Variants in LGI2 observed in about 807,000 individuals in gnomAD.
LGI2 encodes leucine rich repeat LGI family member 2, also known as leucine-rich repeat LGI family member 2.
LGI2 carries 30 observed loss-of-function variants against 52.0 expected under a neutral mutation model. That is an observed-to-expected ratio of 0.58 (90% confidence interval 0.43 to 0.78). The LOEUF is 0.78. LGI2 is among the 30% of genes least tolerant of loss of function. LGI2 has a pLI of 0.00. For synonymous variants in LGI2, 270 were observed against 271.8 expected (o/e 0.99, Z 0.06); for missense variants, 573 against 692.5 (o/e 0.83, Z 1.94).
In LGI2 at chr4:25,003,179, C is replaced by A; in HGVS notation, c.*272G>T. 3.4e-6 allele frequency: 1 copy of A among 296,472 alleles called. No individual in the cohort carries two copies. Among genetic ancestry groups the A allele is most frequent in the Non-Finnish European group, 6.1e-6 (1 of 163,448 alleles). 18.4% of individuals were successfully genotyped at this position (296,472 alleles called of 1,614,324 possible). On this transcript the variant is annotated 3_prime_UTR_variant, in exon 8 of 8. Coordinates refer to ENST00000382114, the MANE Select transcript of LGI2 (RefSeq NM_018176.4). ...AGCGGGGGGGAAGCATATTACATTTCTAGATGATAAGAGTAAATGCTGTAC... is the reference window on the plus strand; with the variant it reads ...AGCGGGGGGGAAGCATATTACATTTATAGATGATAAGAGTAAATGCTGTAC...
chr4:25,029,592 C>T (rs1223285131), intron 1 of LGI2, among the ~76,000 whole-genome samples: 1 of 152,268 alleles, frequency 6.6e-6, no homozygotes, highest in Non-Finnish European at 1.5e-5. Context: ...TACAGCCCAA[C>T]AGCCCCTTCC....
At position 25,003,914 on chromosome 4, in the gene LGI2, C is replaced by T. The variant is rs1361181978; in HGVS notation, c.1175G>A (p.Arg392His). ...CTGGAGGATGATGGGGACCTGGGAG[C>T]GGCTGGACAGGATGAGATGCGATTT... is the stretch of plus-strand genomic sequence containing the variant. ...DGKSHLILSS[R>H]SQVPIILQWN... Residue 392 changes from arginine to histidine, a missense_variant, in exon 8 of 8, where the codon CGC (arginine) becomes CAC (histidine). By Grantham distance (29) the Arg-to-His change is conservative (BLOSUM62 0). Transcript: ENST00000382114. 1.9e-6 allele frequency: 3 copies of T among 1,614,126 alleles called. No homozygotes were observed. Among genetic ancestry groups the T allele is most frequent in the Non-Finnish European group, 1.7e-6 (2 of 1,180,020 alleles).
In LGI2 at chr4:25,003,424, T is replaced by C. The variant is rs749274822; in HGVS notation, c.*27A>G. 19 of 1,469,712 alleles carry C rather than the reference T, an allele frequency of 1.3e-5. No individual in the cohort carries two copies. The Admixed American group carries it at 4.2e-4, about 32-fold the overall frequency. The allele number at this position is 1,469,712 out of a possible 1,614,324, so 91.0% of individuals were successfully genotyped here. A position where few individuals can be genotyped will look rare whatever the true frequency, so the allele number is the denominator to read the frequency against. ...CTCTTTTGTGAGAGCTAATGCTACA[T>C]TTCTCTTAGTTTCACCCACCACACC... On this transcript the variant is annotated 3_prime_UTR_variant, in exon 8 of 8. Coordinates refer to ENST00000382114, the MANE Select transcript of LGI2 (RefSeq NM_018176.4).
intron 6 of LGI2, among the ~76,000 whole-genome samples, chr4:25,014,365 TC>T (rs1434929726): frequency 6.6e-6 from 1 of 152,190 alleles, no homozygotes; most frequent in African/African-American, 2.4e-5. Flanking sequence ...TAATCTATTT[TC>T]CCCATATAGT....
rs1246188984 is a variant in LGI2 at position 25,007,581 on chromosome 4, G to C, written c.821-3313C>G. ...AGTTGTCAGTAGCAGACAGATCAGT[G>C]TGTGTGTGTGTGTGTGTGTGTGTGT... On this transcript the variant is annotated intron_variant, in intron 7 of 7. Transcript: ENST00000382114. Among the ~76,000 whole-genome samples, 390 of 22,622 alleles carry C rather than the reference G, an allele frequency of 0.017. 2 individuals are homozygous for C. The African/African-American group carries it at 0.18, about 10-fold the overall frequency. The allele number at this position is 22,622 out of a possible 152,430, so 14.8% of individuals were successfully genotyped here.
intron 2 of LGI2, 92 bp downstream of exon 2, chr4:25,028,415 T>G (rs551190902): frequency 8.5e-7 from 1 of 1,177,342 alleles, no homozygotes; most frequent in Non-Finnish European, 1.2e-6. Flanking sequence ...TGGGGTACTT[T>G]AGGAAGGGCT....
chr4:25,004,043 C>G lies in LGI2; in HGVS notation c.1046G>C (p.Gly349Ala). Residue 349 changes from glycine to alanine, a missense_variant, in exon 8 of 8, where the codon GGT (glycine) becomes GCT (alanine). By Grantham distance (60) the Gly-to-Ala change is moderately conservative (BLOSUM62 0). Transcript: ENST00000382114. The surrounding 1 kb of genome is among the most constrained non-coding windows in gnomAD (Gnocchi z 4.6). ...FFVIADSSKA[G>A]LSTVYKWNSK... is the part of the protein sequence containing the mutation. ...GTTCCATTTATAAACTGTGGACAGA[C>G]CAGCCTTTGAGCTGTCTGCGATGAC... 6.2e-7 allele frequency: 1 copy of G among 1,614,198 alleles called. No individual in the cohort carries two copies. The highest frequency in any genetic ancestry group is 8.5e-7 in the Non-Finnish European group (1 of 1,180,036).
At chr4:25,006,780 C>T (rs28402671) in intron 7 of LGI2, among the ~76,000 whole-genome samples, 14,149 of 152,054 alleles carry the variant, frequency 0.093, 1,049 homozygotes, top group African/African-American at 0.21. Context: ...AGGGTAAAAC[C>T]GAGGCACAGA....
chr4:25,019,081 C>T (rs1725863602), intron 5 of LGI2, 86 bp downstream of exon 5: 32 of 825,200 alleles, frequency 3.9e-5, no homozygotes, highest in Non-Finnish European at 6.7e-5. Flanking sequence ...AAAAGAAATG[C>T]ATAAAAGAAA....
intron 7 of LGI2, among the ~76,000 whole-genome samples, chr4:25,006,110 G>A (rs184048158): frequency 3.9e-5 from 6 of 152,298 alleles, no homozygotes; most frequent in African/African-American, 1.4e-4. Flanking sequence ...TGCCCATAGT[G>A]GGCATGCATA....
chr4:25,017,025 G>A (rs887137591), intron 6 of LGI2, among the ~76,000 whole-genome samples: 3 of 152,200 alleles, frequency 2.0e-5, no homozygotes, highest in African/African-American at 7.2e-5. Context: ...AGTGGAGGCA[G>A]TTAGTATTTT....
intron 4 of LGI2, among the ~76,000 whole-genome samples, chr4:25,020,496 C>A (rs1394641005): frequency 6.6e-6 from 1 of 152,148 alleles, no homozygotes; most frequent in Non-Finnish European, 1.5e-5. Flanking sequence ...TGTGAGTCAG[C>A]CAAGAAACTG....
At chr4:25,028,324 G>T (rs1726211230) in intron 2 of LGI2, among the ~76,000 whole-genome samples, 183 bp downstream of exon 2, 1 of 152,172 alleles carries the variant, frequency 6.6e-6, no homozygotes, top group African/African-American at 2.4e-5. Context: ...GGAAAGAGCT[G>T]AGCAGGGAGC....
chr4:25,016,529 G>A (rs1013629609), intron 6 of LGI2, among the ~76,000 whole-genome samples: 20 of 152,180 alleles, frequency 1.3e-4, no homozygotes, highest in African/African-American at 4.3e-4. Flanking sequence ...AACTAACCTC[G>A]TAGTGGCCTC....
chr4:25,017,378 C>T (rs979103528), intron 6 of LGI2, among the ~76,000 whole-genome samples: 6 of 151,532 alleles, frequency 4.0e-5, no homozygotes, highest in Non-Finnish European at 8.8e-5. Flanking sequence ...CCCGTCTCTA[C>T]TAAAAATACA....
Position 24,999,097 on chromosome 4 carries a change from T to A in LGI2, c.*4354A>T, listed in dbSNP as rs1279938035. The A allele has an allele frequency of 6.6e-6, 1 of 152,226 alleles. No individual in the cohort carries two copies. The highest frequency in any genetic ancestry group is 1.5e-5 in the Non-Finnish European group (1 of 68,038). The allele number at this position is 152,226 out of a possible 1,614,324, so 9.4% of individuals were successfully genotyped here. ...TTGGCCTATTTTATCACAATTCTTATACATTCCTGATAATCAAAGGGACTG... is the reference window on the plus strand; with the variant it reads ...TTGGCCTATTTTATCACAATTCTTAAACATTCCTGATAATCAAAGGGACTG... On this transcript the variant is annotated 3_prime_UTR_variant, in exon 8 of 8. Transcript: ENST00000382114.
chr4:25,004,908 AATAG>A lies in LGI2; in HGVS notation c.821-644_821-641del, dbSNP rs1211361526. Among the ~76,000 whole-genome samples, 1 of 152,242 alleles carries A rather than the reference AATAG, an allele frequency of 6.6e-6. No individual in the cohort carries two copies. The highest frequency in any genetic ancestry group is 2.4e-5 in the African/African-American group (1 of 41,462). On this transcript the variant is annotated intron_variant, in intron 7 of 7. Coordinates refer to ENST00000382114, the MANE Select transcript of LGI2 (RefSeq NM_018176.4). The surrounding 1 kb of genome is among the most constrained non-coding windows in gnomAD (Gnocchi z 4.6). ...GCAACCCAAGTTGCTTCAATGGACA[AATAG>A]ATAGACAAAATGTGGCATATACATA...
intron 6 of LGI2, 123 bp downstream of exon 6, chr4:25,017,866 T>C (rs1725824812): frequency 2.3e-6 from 2 of 884,046 alleles, no homozygotes; most frequent in South Asian, 8.4e-5. Context: ...GTTTAAAATT[T>C]CTCTAAAACA....
chr4:25,015,741 G>A (rs532831531), intron 6 of LGI2, among the ~76,000 whole-genome samples: 2 of 151,056 alleles, frequency 1.3e-5, no homozygotes, highest in Admixed American at 1.3e-4. Context: ...AGCTTTTAAC[G>A]AAGCAACAGA....
Sources: gnomAD v4.1 joint callset for allele counts (sites outside exome capture counted in the v4.1 genomes callset) on GRCh38, gnomAD v4.1.1 for gene constraint, Gnocchi (gnomAD v3.1) non-coding constraint, MANE v1.5 for transcripts, NCBI Gene and HGNC (gene_info 2026-07-23, HGNC 2026-07-21) for gene names.